The following FOXN4 variants were observed in gnomAD, a reference collection of about 807,000 sequenced individuals.
The protein encoded by FOXN4 is forkhead box protein N4.
Under a neutral mutation model 45.0 loss-of-function variants are expected in FOXN4, and 12 were observed. That is an observed-to-expected ratio of 0.27 (90% CI 0.17 to 0.43). FOXN4 has a LOEUF of 0.43. Among genes scored for constraint, FOXN4 ranks in the 20% least tolerant of loss-of-function variants. The pLI, the probability that FOXN4 is intolerant of heterozygous loss-of-function variation, is 1.00. For missense variants in FOXN4, 560 were observed against 694.9 expected (o/e 0.81, Z 2.18); for synonymous variants, 297 against 295.0 (o/e 1.01, Z -0.07).
chr12:109,307,906 A>ACAGCC (rs1009989570), intron 2 of FOXN4, among the ~76,000 whole-genome samples: 2 of 152,024 alleles, frequency 1.3e-5, no homozygotes, highest in Non-Finnish European at 2.9e-5. Context: ...AGCATTTCCC[A>ACAGCC]CAGCCCCCAT....
rs1029582857 is a variant in FOXN4, at chr12:109,291,201, C to A, written c.87-915G>T. Among the ~76,000 whole-genome samples the A allele has an allele frequency of 6.6e-6, 1 of 152,016 alleles. No homozygotes were observed. The highest frequency in any genetic ancestry group is 1.5e-5 in the Non-Finnish European group (1 of 68,006). ...CTGCCCATGGAGGTGCCAGACAGGT[C>A]GGTGATTTGGGATAGCCATGTCACT... On this transcript the variant is annotated intron_variant, in intron 2 of 9. Coordinates refer to ENST00000299162, the MANE Select transcript of FOXN4 (RefSeq NM_213596.3). The surrounding 1 kb of genome is among the most constrained non-coding windows in gnomAD (Gnocchi z 6.6).
chr12:109,294,376 G>T (rs2047797216), intron 2 of FOXN4, among the ~76,000 whole-genome samples: 2 of 152,088 alleles, frequency 1.3e-5, no homozygotes, highest in Non-Finnish European at 2.9e-5. Flanking sequence ...GTAGGATCAG[G>T]TGAGCCACTG....
At chr12:109,307,263 G>T (rs1245840923) in intron 2 of FOXN4, among the ~76,000 whole-genome samples, 2 of 152,168 alleles carry the variant, frequency 1.3e-5, no homozygotes, top group Non-Finnish European at 2.9e-5. Flanking sequence ...GGGTAAACAG[G>T]GCTGATAGGA....
In FOXN4 at chr12:109,281,434, G is replaced by A; in HGVS notation, c.1267C>T (p.Pro423Ser). ...DMNTEVDALD[P>S]SIMDFALQGN... ...TGCAGAGCGAAGTCCATGATGCTCG[G>A]GTCGAGGGCATCCACCTCAGTGTTC... Residue 423 changes from proline (P) to serine (S), a missense_variant, in exon 9 of 10, where the codon CCG (proline) becomes TCG (serine). Pro to Ser is a moderately conservative substitution (Grantham distance 74). Transcript: ENST00000299162. The A allele has an allele frequency of 6.2e-7, 1 of 1,613,984 alleles. No homozygotes were observed. The highest frequency in any genetic ancestry group is 8.5e-7 in the Non-Finnish European group (1 of 1,179,890).
chr12:109,308,230 C>T lies in FOXN4; in HGVS notation c.86+6G>A. 3 of 1,546,806 alleles carry T rather than the reference C, an allele frequency of 1.9e-6. No homozygotes were observed. The highest frequency in any genetic ancestry group is 2.6e-6 in the Non-Finnish European group (3 of 1,143,552). ...ATATATAGTTTGTTATTGTTGGAGC[C>T]CTCACCTGTATTCCTGTGGAGAGGG... On this transcript the variant is annotated splice_donor_region_variant and intron_variant, in intron 2 of 9. Coordinates refer to ENST00000299162, the MANE Select transcript of FOXN4 (RefSeq NM_213596.3).
At chr12:109,298,110 A>G (rs139390046) in intron 2 of FOXN4, among the ~76,000 whole-genome samples, 13 of 152,232 alleles carry the variant, frequency 8.5e-5, no homozygotes, top group African/African-American at 2.9e-4. Context: ...GAGTTTTAGT[A>G]TGTTTCATTG....
At chr12:109,293,925 A>G (rs879611696) in intron 2 of FOXN4, among the ~76,000 whole-genome samples, 4 of 152,200 alleles carry the variant, frequency 2.6e-5, no homozygotes, top group Non-Finnish European at 5.9e-5. Context: ...AGGGACAGAG[A>G]GTAGGCAGCC....
At chr12:109,285,137 CGTGT>C (rs1431763889) in intron 8 of FOXN4, 163 bp downstream of exon 8, 5 of 301,968 alleles carry the variant, frequency 1.7e-5, no homozygotes, top group East Asian at 4.1e-4. Flanking sequence ...TGTGCGTGTG[CGTGT>C]ATTTGTGTGT....
intron 2 of FOXN4, among the ~76,000 whole-genome samples, chr12:109,307,714 C>T (rs1366616654): frequency 1.1e-4 from 17 of 152,162 alleles, no homozygotes; most frequent in Admixed American, 9.8e-4. Context: ...TAGAAGAAAC[C>T]TTAAGATCAT....
intron 8 of FOXN4, among the ~76,000 whole-genome samples, chr12:109,284,926 G>A (rs528982242): frequency 1.0e-4 from 15 of 149,682 alleles, no homozygotes; most frequent in Admixed American, 2.7e-4. Context: ...GTGTGTGTGC[G>A]TGCTGCAAGC....
chr12:109,294,371 A>T (rs910478683), intron 2 of FOXN4, among the ~76,000 whole-genome samples: 2 of 151,442 alleles, frequency 1.3e-5, no homozygotes, highest in African/African-American at 4.9e-5. Context: ...CTGTCGTAGG[A>T]TCAGGTGAGC....
rs1593776701 is a variant in FOXN4 at position 109,290,843 on chromosome 12, G to C, written c.87-557C>G. 6.6e-6 allele frequency among the ~76,000 whole-genome samples: 1 copy of C among 152,304 alleles called. No individual in the cohort carries two copies. Among genetic ancestry groups the C allele is most frequent in the East Asian group, 1.9e-4 (1 of 5,180 alleles). On this transcript the variant is annotated intron_variant, in intron 2 of 9. Transcript: ENST00000299162. This position sits in a 1 kb window ranked among gnomAD's most constrained non-coding sequence, Gnocchi z 5.1. Reference sequence around the variant, plus strand: ...CGGTCTGCGTGGATGATCCTGCCATGTGCTGAGGCAGCTGAGTGCCTGCTA... The same window carrying C: ...CGGTCTGCGTGGATGATCCTGCCATCTGCTGAGGCAGCTGAGTGCCTGCTA...
intron 2 of FOXN4, among the ~76,000 whole-genome samples, chr12:109,304,266 AGAAAGAAAGAAAGAAAGAAAGAAAGAAAG>A (rs1346964139): frequency 0.072 from 7,645 of 106,778 alleles, 497 homozygotes; most frequent in Middle Eastern, 0.18. Context: ...AAAGAAAGAA[AGAAAGAAAGAAAGAAAGAAAGAAAGAAAG>A]GAGAAAGAAA....
At position 109,279,627 on chromosome 12, in the gene FOXN4, C is replaced by CCCAA; in HGVS notation, c.*40_*43dup. The CCCAA allele has an allele frequency of 6.4e-7, 1 of 1,555,406 alleles. No homozygotes were observed. The highest frequency in any genetic ancestry group is 8.7e-7 in the Non-Finnish European group (1 of 1,149,404). ...ACACCCTGTTCTAGTCAGTTCTCTGCCCAAGCCGGGTGCCGGGGTTCCAGG... is the reference window on the plus strand; with the variant it reads ...ACACCCTGTTCTAGTCAGTTCTCTGCCCAACCAAGCCGGGTGCCGGGGTTCCAGG... On this transcript the variant is annotated 3_prime_UTR_variant, in exon 10 of 10. Transcript: ENST00000299162.
chr12:109,295,679 G>A (rs1428646119), intron 2 of FOXN4, among the ~76,000 whole-genome samples: 4 of 152,212 alleles, frequency 2.6e-5, no homozygotes, highest in Non-Finnish European at 4.4e-5. Context: ...CCAGCTACTC[G>A]GGAGGCTGAG....
rs753469585 is a variant in FOXN4, at chr12:109,279,641, C to T, written c.*30G>A. The T allele has an allele frequency of 7.7e-6, 12 of 1,561,834 alleles. No individual in the cohort carries two copies. Among genetic ancestry groups the T allele is most frequent in the East Asian group, 4.8e-5 (2 of 41,692 alleles). Reference sequence around the variant, plus strand: ...TCAGTTCTCTGCCCAAGCCGGGTGCCGGGGTTCCAGGGCAGGTGAGGCTGA... The same window carrying T: ...TCAGTTCTCTGCCCAAGCCGGGTGCTGGGGTTCCAGGGCAGGTGAGGCTGA... On this transcript the variant is annotated 3_prime_UTR_variant, in exon 10 of 10. Coordinates refer to ENST00000299162, the MANE Select transcript of FOXN4 (RefSeq NM_213596.3).
chr12:109,290,049 G>T lies in FOXN4; in HGVS notation c.232+92C>A. The stretch of plus-strand genomic sequence containing the variant: ...GAGGCCCAGAGAGACTGGGAGACCG[G>T]GTCATGGCTGCACAGTGGGTGGGTG... On this transcript the variant is annotated intron_variant, in intron 3 of 9. Coordinates refer to ENST00000299162, the MANE Select transcript of FOXN4 (RefSeq NM_213596.3). The surrounding 1 kb of genome is among the most constrained non-coding windows in gnomAD (Gnocchi z 5.1). 1 of 1,402,086 alleles carries T rather than the reference G, an allele frequency of 7.1e-7. No homozygotes were observed. The highest frequency in any genetic ancestry group is 9.4e-7 in the Non-Finnish European group (1 of 1,058,872). 86.9% of individuals were successfully genotyped at this position (1,402,086 alleles called of 1,614,324 possible). A position where few individuals can be genotyped will look rare whatever the true frequency, so the allele number is the denominator to read the frequency against.
At chr12:109,301,825 G>C (rs2047871489) in intron 2 of FOXN4, among the ~76,000 whole-genome samples, 1 of 152,212 alleles carries the variant, frequency 6.6e-6, no homozygotes, top group Admixed American at 6.5e-5. Flanking sequence ...CGCCCTGTGG[G>C]CATCTATTAC....
At chr12:109,304,074 C>T (rs1371844710) in intron 2 of FOXN4, among the ~76,000 whole-genome samples, 1 of 150,630 alleles carries the variant, frequency 6.6e-6, no homozygotes, top group Non-Finnish European at 1.5e-5. Flanking sequence ...GTCTGTAATC[C>T]CAGCTACTCA....
Sources: gnomAD v4.1 joint callset for allele counts (sites outside exome capture counted in the v4.1 genomes callset) on GRCh38, gnomAD v4.1.1 for gene constraint, Gnocchi (gnomAD v3.1) non-coding constraint, MANE v1.5 for transcripts, NCBI Gene and HGNC (gene_info 2026-07-23, HGNC 2026-07-21) for gene names.